ZNF445: variants seen among roughly 807,000 people sequenced by gnomAD.
The protein encoded by ZNF445 is zinc finger protein 445, also known as zinc finger protein 168.
ZNF445 carries 19 observed loss-of-function variants against 93.9 expected under a neutral mutation model. The observed-to-expected ratio is 0.20, with a 90% CI of 0.14 to 0.30. The LOEUF (loss-of-function observed/expected upper bound fraction) is 0.30, where lower values mean the gene tolerates loss of function less well. ZNF445 is among the 10% of genes least tolerant of loss of function. ZNF445 has a pLI of 1.00. For synonymous variants in ZNF445, 449 were observed against 446.3 expected, an observed-to-expected ratio of 1.01 and a Z score of -0.08; for missense variants, 1,058 against 1,259.4, an observed-to-expected ratio of 0.84 and a Z score of 2.42.
rs1341394779 is a variant in ZNF445, at chr3:44,441,865, A to C, written c.*4710T>G. The C allele has an allele frequency of 6.6e-6, 1 of 152,160 alleles. No homozygotes were observed. Among genetic ancestry groups the C allele is most frequent in the Non-Finnish European group, 1.5e-5 (1 of 68,016 alleles). The allele number at this position is 152,160 out of a possible 1,614,324, so 9.4% of individuals were successfully genotyped here. A position where few individuals can be genotyped will look rare whatever the true frequency, so the allele number is the denominator to read the frequency against. On this transcript the variant is annotated 3_prime_UTR_variant, in exon 8 of 8. Transcript: ENST00000396077. ...CTTGCACACATCGTTCCAATACATG[A>C]TTTTATACTCATTTCATATTATTTG... is the stretch of plus-strand genomic sequence containing the variant.
Position 44,436,151 on chromosome 3 carries a change from G to C in ZNF445, c.*10424C>G, listed in dbSNP as rs1408275682. 1 of 152,178 alleles carries C rather than the reference G, an allele frequency of 6.6e-6. No homozygotes were observed. The highest frequency in any genetic ancestry group is 2.4e-5 in the African/African-American group (1 of 41,444). 9.4% of individuals were successfully genotyped at this position (152,178 alleles called of 1,614,324 possible). ...ATTGTAACTCTGTGTTGGTAATTTAGGTCAGACTTTATTCACCAGATCTGG... is the reference window on the plus strand; with the variant it reads ...ATTGTAACTCTGTGTTGGTAATTTACGTCAGACTTTATTCACCAGATCTGG... On this transcript the variant is annotated 3_prime_UTR_variant, in exon 8 of 8. Coordinates refer to ENST00000396077, the MANE Select transcript of ZNF445 (RefSeq NM_181489.6).
chr3:44,476,363 G>C (rs146006027), intron 1 of ZNF445, among the ~76,000 whole-genome samples: 80 of 142,736 alleles, frequency 5.6e-4, no homozygotes, highest in African/African-American at 2.0e-3. Flanking sequence ...TCGGCTTACA[G>C]TAAGACTTTT....
rs1697908018 is a variant in ZNF445, at chr3:44,448,315, A to C, written c.1356T>G (p.Ser452Arg). ...CGTCCTTTTTGTTCCCTTTCAGTCCACTATGAATTCTCTGATGTAGGCTGA... is the reference window on the plus strand; with the variant it reads ...CGTCCTTTTTGTTCCCTTTCAGTCCCCTATGAATTCTCTGATGTAGGCTGA... Reference protein sequence around the residue: ...GGFSLHQRIHSGLKGNKKDVC... With the variant: ...GGFSLHQRIHRGLKGNKKDVC... Residue 452 changes from serine (S) to arginine (R), a missense_variant, in exon 8 of 8, where the codon AGT becomes AGG. This residue lies in a region of ZNF445 where 657 missense variants were observed against 746.4 expected (regional missense o/e 0.88). Transcript: ENST00000396077. 7 of 1,614,068 alleles carry C rather than the reference A, an allele frequency of 4.3e-6. No homozygotes were observed. Among genetic ancestry groups the C allele is most frequent in the Non-Finnish European group, 5.9e-6 (7 of 1,180,046 alleles).
At chr3:44,462,951 T>C (rs1238549458) in intron 1 of ZNF445, among the ~76,000 whole-genome samples, 1 of 152,056 alleles carries the variant, frequency 6.6e-6, no homozygotes, top group Admixed American at 6.5e-5. Flanking sequence ...TTTTTCTTCT[T>C]GGAACTTGTT....
chr3:44,471,926 G>A (rs778193395), intron 1 of ZNF445, among the ~76,000 whole-genome samples: 25 of 152,086 alleles, frequency 1.6e-4, no homozygotes, highest in Non-Finnish European at 2.6e-4. Flanking sequence ...AAGGAGACTC[G>A]AAGACTGAGA....
intron 1 of ZNF445, among the ~76,000 whole-genome samples, chr3:44,473,898 G>C (rs2125686765): frequency 6.6e-6 from 1 of 152,284 alleles, no homozygotes; most frequent in South Asian, 2.1e-4. Context: ...AATAACAGGG[G>C]AGAAGGGATA....
rs1255722940 is a variant in ZNF445 at position 44,432,467 on chromosome 3, A to G, written c.*14108T>C. Reference sequence around the variant, plus strand: ...GAGAGCCCAGTGGCACCTGCTGTGGAGCAGGATTAGTAGATGGTGTGCATG... The same window carrying G: ...GAGAGCCCAGTGGCACCTGCTGTGGGGCAGGATTAGTAGATGGTGTGCATG... On this transcript the variant is annotated 3_prime_UTR_variant, in exon 8 of 8. Transcript: ENST00000396077. The G allele has an allele frequency of 6.6e-6, 1 of 152,188 alleles. No individual in the cohort carries two copies. Among genetic ancestry groups the G allele is most frequent in the Non-Finnish European group, 1.5e-5 (1 of 68,070 alleles). The allele number at this position is 152,188 out of a possible 1,614,324, so 9.4% of individuals were successfully genotyped here.
chr3:44,470,182 C>G (rs948418824), intron 1 of ZNF445, among the ~76,000 whole-genome samples: 4 of 152,166 alleles, frequency 2.6e-5, no homozygotes, highest in African/African-American at 9.7e-5. Flanking sequence ...CTTGGCCTCC[C>G]AAAGCACTGG....
chr3:44,474,846 T>G (rs527703247), intron 1 of ZNF445, among the ~76,000 whole-genome samples: 1 of 152,274 alleles, frequency 6.6e-6, no homozygotes, highest in African/African-American at 2.4e-5. Flanking sequence ...ATAAAAAGTT[T>G]GCTGGCCAGG....
chr3:44,450,405 G>A (rs1363781530), intron 6 of ZNF445, 42 bp downstream of exon 6: 1 of 1,613,574 alleles, frequency 6.2e-7, no homozygotes, highest in South Asian at 1.1e-5. Context: ...CAAGAAGGCA[G>A]AAATAAAGAT....
rs141889008 is a variant in ZNF445, at chr3:44,476,544, A to G, written c.-269+1047T>C. On this transcript the variant is annotated intron_variant, in intron 1 of 7. Transcript: ENST00000396077. ...GCTTAATCAAATTACTGCTCAAACC[A>G]CTCCCTGGCACTTCCTTGCAAAACA... 3.4e-3 allele frequency among the ~76,000 whole-genome samples: 517 copies of G among 151,604 alleles called. 6 individuals are homozygous for G. Among genetic ancestry groups the G allele is most frequent in the African/African-American group, 0.012 (503 of 41,262 alleles).
Position 44,448,567 on chromosome 3 carries a change from G to A in ZNF445, c.1104C>T (p.Pro368=). Residue 368 remains proline, a synonymous_variant, in exon 8 of 8, where the codon CCC becomes CCT. Transcript: ENST00000396077. ...KSRQKDQCEN[P]IQVRVKKEET... ...CTTCTTTCTTAACTCTTACTTGTAT[G>A]GGATTTTCACATTGATCCTTCTGCC... 1 of 1,614,060 alleles carries A rather than the reference G, an allele frequency of 6.2e-7. No homozygotes were observed. The highest frequency in any genetic ancestry group is 2.2e-5 in the East Asian group (1 of 44,886).
chr3:44,442,132 T>G lies in ZNF445; in HGVS notation c.*4443A>C, dbSNP rs1274297900. On this transcript the variant is annotated 3_prime_UTR_variant, in exon 8 of 8. Coordinates refer to ENST00000396077, the MANE Select transcript of ZNF445 (RefSeq NM_181489.6). The stretch of plus-strand genomic sequence containing the variant: ...AACTTTACACTAAGGGTACCTTGTA[T>G]GTAGCTTCACCAACTTTCTCAGCAT... 6.6e-6 allele frequency: 1 copy of G among 152,248 alleles called. No individual in the cohort carries two copies. The highest frequency in any genetic ancestry group is 1.5e-5 in the Non-Finnish European group (1 of 68,040). The allele number at this position is 152,248 out of a possible 1,614,324, so 9.4% of individuals were successfully genotyped here.
intron 1 of ZNF445, among the ~76,000 whole-genome samples, chr3:44,472,048 GAA>G (rs1350485921): frequency 6.6e-6 from 1 of 152,094 alleles, no homozygotes; most frequent in Admixed American, 6.6e-5. Context: ...AACAGAAAAA[GAA>G]GAGAGACTTT....
At chr3:44,472,394 G>C (rs576968584) in intron 1 of ZNF445, among the ~76,000 whole-genome samples, 1 of 152,312 alleles carries the variant, frequency 6.6e-6, no homozygotes, top group South Asian at 2.1e-4. Context: ...GGAGGACGGG[G>C]GAACAAGGGT....
At chr3:44,449,421 A>C (rs1697927795) in intron 7 of ZNF445, 92 bp downstream of exon 7, 13 of 1,066,126 alleles carry the variant, frequency 1.2e-5, no homozygotes, top group Admixed American at 1.8e-5. Flanking sequence ...TCCAGCAAAC[A>C]ATGGAGTAAA....
At chr3:44,450,728 AGG>A in intron 5 of ZNF445, 138 bp downstream of exon 5, 1 of 1,292,888 alleles carries the variant, frequency 7.7e-7, no homozygotes, top group Non-Finnish European at 1.1e-6. Context: ...TCTGGGCTTG[AGG>A]GGGATAATCT....
rs1466125511 is a variant in ZNF445, at chr3:44,433,756, GGCAGCCTGGGCAGCCC to G, written c.*12803_*12818del. The G allele has an allele frequency of 6.6e-6, 1 of 152,262 alleles. No individual in the cohort carries two copies. The highest frequency in any genetic ancestry group is 1.5e-5 in the Non-Finnish European group (1 of 68,084). The allele number at this position is 152,262 out of a possible 1,614,324, so 9.4% of individuals were successfully genotyped here. A position where few individuals can be genotyped will look rare whatever the true frequency, so the allele number is the denominator to read the frequency against. On this transcript the variant is annotated 3_prime_UTR_variant, in exon 8 of 8. Transcript: ENST00000396077. ...TCAGGCAGGACTGGCTTCACAGGCA[GGCAGCCTGGGCAGCCC>G]TGCGGGGCCCCACACTTAGAATGGC...
chr3:44,433,744 G>A lies in ZNF445; in HGVS notation c.*12831C>T, dbSNP rs1199826480. The A allele has an allele frequency of 6.6e-6, 1 of 152,248 alleles. No homozygotes were observed. Among genetic ancestry groups the A allele is most frequent in the Non-Finnish European group, 1.5e-5 (1 of 68,060 alleles). 9.4% of individuals were successfully genotyped at this position (152,248 alleles called of 1,614,324 possible). On this transcript the variant is annotated 3_prime_UTR_variant, in exon 8 of 8. Transcript: ENST00000396077. The stretch of plus-strand genomic sequence containing the variant: ...AAAGCATCTCCATCAGGCAGGACTG[G>A]CTTCACAGGCAGGCAGCCTGGGCAG...
Sources: gnomAD v4.1 joint callset for allele counts (sites outside exome capture counted in the v4.1 genomes callset) on GRCh38, gnomAD v4.1.1 for gene constraint, gnomAD v4.1.1 regional missense constraint, MANE v1.5 for transcripts, NCBI Gene and HGNC (gene_info 2026-07-23, HGNC 2026-07-21) for gene names.